EPHA6: variants seen among roughly 807,000 people sequenced by gnomAD.
The protein encoded by EPHA6 is ephrin type-A receptor 6.
Under a neutral mutation model 112.0 loss-of-function variants are expected in EPHA6, and 50 were observed. The ratio of observed to expected loss-of-function variants is 0.45; its 90% CI spans 0.36 to 0.56. EPHA6 has a LOEUF of 0.56. Ranked by LOEUF, EPHA6 falls within the 20% of genes least tolerant of loss-of-function variation. The pLI, the probability that EPHA6 is intolerant of heterozygous loss-of-function variation, is 0.00. For synonymous variants in EPHA6, 529 were observed against 490.7 expected (o/e 1.08, Z -1.03); for missense variants, 1,280 against 1,417.4 (o/e 0.90, Z 1.56).
At chr3:96,949,227 T>G (rs1227499980) in intron 2 of EPHA6, among the ~76,000 whole-genome samples, 2 of 152,144 alleles carry the variant, frequency 1.3e-5, no homozygotes, top group Non-Finnish European at 2.9e-5. Flanking sequence ...TTGAATTTAA[T>G]TCTAATACAA....
intron 1 of EPHA6, among the ~76,000 whole-genome samples, chr3:96,852,301 C>T (rs930216424): frequency 6.6e-6 from 1 of 151,908 alleles, no homozygotes; most frequent in African/African-American, 2.4e-5. Context: ...CAAGACTGGC[C>T]TGGCCAACAT....
chr3:96,925,659 G>T (rs1208423499), intron 2 of EPHA6, among the ~76,000 whole-genome samples: 1 of 148,186 alleles, frequency 6.7e-6, no homozygotes, highest in Non-Finnish European at 1.5e-5. Context: ...AAGCTGGAGT[G>T]CAGTGACGTG....
At chr3:97,590,863 C>A (rs1044205460) in intron 11 of EPHA6, among the ~76,000 whole-genome samples, 1 of 152,162 alleles carries the variant, frequency 6.6e-6, no homozygotes, top group Non-Finnish European at 1.5e-5. Flanking sequence ...ACCTTCATTA[C>A]AAGTGTTATC....
At chr3:97,089,485 A>G (rs2046999988) in intron 3 of EPHA6, among the ~76,000 whole-genome samples, 1 of 152,094 alleles carries the variant, frequency 6.6e-6, no homozygotes, top group Admixed American at 6.6e-5. Flanking sequence ...TATATCAACA[A>G]TCTGAAATTA....
intron 10 of EPHA6, among the ~76,000 whole-genome samples, chr3:97,495,054 G>A (rs1310000026): frequency 6.6e-6 from 1 of 152,032 alleles, no homozygotes; most frequent in Non-Finnish European, 1.5e-5. Context: ...GCTGTGCCTC[G>A]ATTAATGCAT....
At chr3:96,825,191 A>C (rs986931697) in intron 1 of EPHA6, among the ~76,000 whole-genome samples, 1 of 151,962 alleles carries the variant, frequency 6.6e-6, no homozygotes, top group African/African-American at 2.4e-5. Context: ...TATGCATTTA[A>C]GGATAAAAAA....
intron 5 of EPHA6, among the ~76,000 whole-genome samples, chr3:97,279,021 A>G (rs1375468928): frequency 6.6e-6 from 1 of 152,222 alleles, no homozygotes; most frequent in East Asian, 1.9e-4. Flanking sequence ...AAGACTGTGA[A>G]CGTGAGACAG....
At chr3:97,745,258 C>T in intron 16 of EPHA6, 1 of 357,772 alleles carries the variant, frequency 2.8e-6, no homozygotes, top group Non-Finnish European at 5.5e-6. Flanking sequence ...AACATAAACA[C>T]CTCTAGGAAA....
chr3:97,150,906 G>A (rs2076156252), intron 3 of EPHA6, among the ~76,000 whole-genome samples: 1 of 151,816 alleles, frequency 6.6e-6, no homozygotes, highest in Admixed American at 6.6e-5. Flanking sequence ...TTTTTTATTG[G>A]TTAAAGTTTA....
chr3:97,396,625 A>C (rs2086710218), intron 5 of EPHA6, among the ~76,000 whole-genome samples: 1 of 151,598 alleles, frequency 6.6e-6, no homozygotes, highest in Non-Finnish European at 1.5e-5. Context: ...GTAATTTTTC[A>C]ATTCTTTCGT....
chr3:97,712,826 C>T (rs916185309), intron 14 of EPHA6, among the ~76,000 whole-genome samples: 1 of 152,136 alleles, frequency 6.6e-6, no homozygotes, highest in African/African-American at 2.4e-5. Context: ...CACTGAGCTG[C>T]TTATACATTT....
At chr3:97,526,507 T>C (rs1479477520) in intron 10 of EPHA6, among the ~76,000 whole-genome samples, 1 of 152,024 alleles carries the variant, frequency 6.6e-6, no homozygotes, top group Non-Finnish European at 1.5e-5. Context: ...CCCCAATAGA[T>C]CCCTATGTGG....
At chr3:97,694,483 C>T (rs1339433040) in intron 14 of EPHA6, among the ~76,000 whole-genome samples, 1 of 152,156 alleles carries the variant, frequency 6.6e-6, no homozygotes, top group Non-Finnish European at 1.5e-5. Context: ...GTGATCCACC[C>T]GCCTTGGCCT....
intron 5 of EPHA6, among the ~76,000 whole-genome samples, chr3:97,277,292 A>C (rs975563691): frequency 3.4e-4 from 52 of 151,956 alleles, no homozygotes; most frequent in African/African-American, 1.2e-3. Flanking sequence ...GGAAAATTAC[A>C]GTCAAAGGGG....
At chr3:97,524,265 A>G (rs1178691475) in intron 10 of EPHA6, among the ~76,000 whole-genome samples, 1 of 151,768 alleles carries the variant, frequency 6.6e-6, no homozygotes, top group Non-Finnish European at 1.5e-5. Context: ...GAGGTTTTTC[A>G]TTATAGTTAT....
chr3:97,725,442 G>A lies in EPHA6; in HGVS notation c.2934+5032G>A, dbSNP rs193152655. 3.3e-5 allele frequency among the ~76,000 whole-genome samples: 5 copies of A among 152,248 alleles called. No homozygotes were observed. In the East Asian group the frequency reaches 7.8e-4, roughly 24 times the overall value. On this transcript the variant is annotated intron_variant, in intron 15 of 17. Transcript: ENST00000389672. ...CAGTTTCCCCATAATTACCTCTAGT[G>A]AGGGAGGAATTCCCCAAAGCAATGC...
At chr3:96,986,047 C>CT (rs1384025560) in intron 2 of EPHA6, among the ~76,000 whole-genome samples, 7 of 152,158 alleles carry the variant, frequency 4.6e-5, no homozygotes, top group Admixed American at 1.3e-4. Flanking sequence ...ACTATGATGC[C>CT]TAGCATGTTT....
intron 5 of EPHA6, among the ~76,000 whole-genome samples, chr3:97,320,001 TA>T (rs983550976): frequency 6.6e-6 from 1 of 152,078 alleles, no homozygotes; most frequent in African/African-American, 2.4e-5. Context: ...AAACTCTCTC[TA>T]AAATCAAGAA....
In EPHA6 at chr3:97,121,555, A is replaced by G. The variant is rs76222585; in HGVS notation, c.1115-104709A>G. On this transcript the variant is annotated intron_variant, in intron 3 of 17. Transcript: ENST00000389672. The stretch of plus-strand genomic sequence containing the variant: ...GGACTGCTTCAGATTCCAAATACAA[A>G]CTGTTTTTACAAAACCACTTGTCCA... 8.5e-3 allele frequency among the ~76,000 whole-genome samples: 1,299 copies of G among 152,040 alleles called. 69 individuals carry two copies. In the East Asian group the frequency reaches 0.15, roughly 17 times the overall value.
Sources: allele counts gnomAD v4.1 joint callset (sites outside exome capture counted in the v4.1 genomes callset), GRCh38; gene constraint gnomAD v4.1.1; transcripts MANE v1.5; gene names NCBI Gene and HGNC (gene_info 2026-07-23, HGNC 2026-07-21).